Variants in IQUB observed in about 807,000 individuals in gnomAD.
IQUB encodes IQ motif and ubiquitin-like domain-containing protein.
Under a neutral mutation model 86.4 loss-of-function variants are expected in IQUB, and 86 were observed. The observed-to-expected ratio is 1.00, with a 90% confidence interval of 0.84 to 1.19. The LOEUF is 1.19. Among genes scored for constraint, IQUB ranks in the 50% most tolerant of loss-of-function variants. The pLI, the probability that IQUB is intolerant of heterozygous loss-of-function variation, is 0.00. For missense variants in IQUB, 946 were observed against 916.9 expected (o/e 1.03, Z -0.41); for synonymous variants, 289 against 304.5 (o/e 0.95, Z 0.53).
chr7:123,464,947 C>T lies in IQUB; in HGVS notation c.1644G>A (p.Met548Ile), dbSNP rs1174275959. Residue 548 changes from methionine (M) to isoleucine (I), a missense_variant, in exon 10 of 13, where the codon ATG becomes ATA. By Grantham distance (10) the Met-to-Ile change is conservative (BLOSUM62 1). Transcript: ENST00000324698. ...GGTTATGATGTTTGACTCCTCTCAT[C>T]ATAAGGTCAACCTCTCTGTCAATCA... Reference protein sequence around the residue: ...LELIDREVDLMMRGVKHHNLE... With the variant: ...LELIDREVDLIMRGVKHHNLE... The T allele has an allele frequency of 6.2e-7, 1 of 1,604,910 alleles. No homozygotes were observed. The highest frequency in any genetic ancestry group is 8.5e-7 in the Non-Finnish European group (1 of 1,175,344).
At chr7:123,462,756 T>C (rs1261282695) in intron 10 of IQUB, 1 of 440,004 alleles carries the variant, frequency 2.3e-6, no homozygotes, top group East Asian at 7.0e-5. Context: ...GTCAACCTCA[T>C]GAAAACACGT....
At chr7:123,527,669 C>T (rs567240192) in intron 1 of IQUB, among the ~76,000 whole-genome samples, 32 of 152,244 alleles carry the variant, frequency 2.1e-4, no homozygotes, top group African/African-American at 6.7e-4. Flanking sequence ...GCAGTCTGCC[C>T]GTTCTCAGAT....
At chr7:123,487,553 G>A (rs1488930539) in intron 7 of IQUB, among the ~76,000 whole-genome samples, 2 of 152,190 alleles carry the variant, frequency 1.3e-5, no homozygotes, top group African/African-American at 4.8e-5. Flanking sequence ...GTAACTAATA[G>A]TTCCTGTTCT....
At chr7:123,493,774 T>TGC (rs1554358893) in intron 7 of IQUB, among the ~76,000 whole-genome samples, 97 of 144,842 alleles carry the variant, frequency 6.7e-4, no homozygotes, top group African/African-American at 8.0e-4. Flanking sequence ...TGTGTGTGTG[T>TGC]GCATGTGTGT....
chr7:123,466,933 C>T (rs1030513108), intron 9 of IQUB, among the ~76,000 whole-genome samples: 53 of 151,856 alleles, frequency 3.5e-4, no homozygotes, highest in African/African-American at 1.3e-3. Flanking sequence ...TAGTTAATAC[C>T]GATGATCACA....
chr7:123,462,765 G>A lies in IQUB; in HGVS notation c.1759-1160C>T, dbSNP rs185534313. ...ATATCAGTCAACCTCATGAAAACAC[G>A]TTAGCACACGTCTCCATTATAGATG... On this transcript the variant is annotated intron_variant, in intron 10 of 12. Coordinates refer to ENST00000324698, the MANE Select transcript of IQUB (RefSeq NM_178827.5). 18 of 447,876 alleles carry A rather than the reference G, an allele frequency of 4.0e-5. No homozygotes were observed. The East Asian group carries it at 5.6e-4, about 14-fold the overall frequency. The allele number at this position is 447,876 out of a possible 1,614,324, so 27.7% of individuals were successfully genotyped here.
chr7:123,452,717 T>A lies in IQUB; in HGVS notation c.*26A>T. ...CTATTAGCAGTGAACAAAATGCCGA[T>A]CATCAAACAAATACTCCTGGATCAC... On this transcript the variant is annotated 3_prime_UTR_variant, in exon 13 of 13. Coordinates refer to ENST00000324698, the MANE Select transcript of IQUB (RefSeq NM_178827.5). The A allele has an allele frequency of 6.4e-7, 1 of 1,563,904 alleles. No homozygotes were observed. Among genetic ancestry groups the A allele is most frequent in the South Asian group, 1.1e-5 (1 of 87,928 alleles).
chr7:123,488,624 G>A (rs1467443180), intron 7 of IQUB, among the ~76,000 whole-genome samples: 1 of 152,108 alleles, frequency 6.6e-6, no homozygotes, highest in Non-Finnish European at 1.5e-5. Flanking sequence ...CACAGAATCA[G>A]GAAACTCAAA....
intron 8 of IQUB, among the ~76,000 whole-genome samples, chr7:123,479,191 T>A (rs1024925233): frequency 6.6e-6 from 1 of 152,124 alleles, no homozygotes; most frequent in Admixed American, 6.6e-5. Context: ...AAAGACTAGG[T>A]TTATAAAAGA....
chr7:123,516,507 A>G (rs2117290026), intron 1 of IQUB, among the ~76,000 whole-genome samples: 1 of 152,334 alleles, frequency 6.6e-6, no homozygotes, highest in Admixed American at 6.5e-5. Flanking sequence ...GAGGAAGAGG[A>G]GGATGAAGTA....
At chr7:123,527,797 A>C (rs1204800324) in intron 1 of IQUB, among the ~76,000 whole-genome samples, 1 of 152,040 alleles carries the variant, frequency 6.6e-6, no homozygotes, top group Non-Finnish European at 1.5e-5. Context: ...CCAGAGGTGG[A>C]GCCTACAGAG....
intron 11 of IQUB, among the ~76,000 whole-genome samples, chr7:123,460,841 G>A (rs761047929): frequency 5.9e-5 from 9 of 151,850 alleles, no homozygotes; most frequent in African/African-American, 1.9e-4. Flanking sequence ...AAGTTCTTAC[G>A]AGAAGCAGAT....
chr7:123,458,982 T>C (rs1227448741), intron 11 of IQUB, among the ~76,000 whole-genome samples: 1 of 152,002 alleles, frequency 6.6e-6, no homozygotes, highest in Non-Finnish European at 1.5e-5. Context: ...TTTGCTGTTG[T>C]CCACAAGATT....
At chr7:123,490,508 TAAAG>T (rs952613397) in intron 7 of IQUB, among the ~76,000 whole-genome samples, 2 of 151,950 alleles carry the variant, frequency 1.3e-5, no homozygotes, top group African/African-American at 2.4e-5. Flanking sequence ...TTTGTAAAAA[TAAAG>T]AAAATTTAAA....
chr7:123,476,753 A>C (rs557822472), intron 8 of IQUB, among the ~76,000 whole-genome samples: 5 of 151,552 alleles, frequency 3.3e-5, no homozygotes, highest in African/African-American at 1.2e-4. Flanking sequence ...GGGAGATAGG[A>C]AGGCCTATTT....
At chr7:123,452,958 T>C (rs759373841) in intron 12 of IQUB, 33 bp from the exon 13 acceptor site, 2 of 1,546,910 alleles carry the variant, frequency 1.3e-6, no homozygotes, top group Middle Eastern at 2.0e-4. Flanking sequence ...CTAGTAAATA[T>C]CACAGATATA....
At chr7:123,534,004 A>C (rs1404847935) in intron 1 of IQUB, among the ~76,000 whole-genome samples, 1 of 152,242 alleles carries the variant, frequency 6.6e-6, no homozygotes, top group Admixed American at 6.5e-5. Flanking sequence ...GCAGGGATCC[A>C]GTATTGCCTT....
intron 7 of IQUB, among the ~76,000 whole-genome samples, chr7:123,482,831 C>T (rs987837006): frequency 1.3e-5 from 2 of 152,044 alleles, no homozygotes; most frequent in Non-Finnish European, 2.9e-5. Context: ...CAGTTTTGGT[C>T]ATTACTCTCA....
chr7:123,532,813 C>T (rs1266280404), intron 1 of IQUB: 2 of 152,260 alleles, frequency 1.3e-5, no homozygotes, highest in Non-Finnish European at 2.9e-5. Context: ...GCCTGCCCCT[C>T]TGGGGCCTGC....
Sources: gnomAD v4.1 joint callset for allele counts (sites outside exome capture counted in the v4.1 genomes callset) on GRCh38, gnomAD v4.1.1 for gene constraint, MANE v1.5 for transcripts, NCBI Gene and HGNC (gene_info 2026-07-23, HGNC 2026-07-21) for gene names.